Variants in NLGN1 observed in about 807,000 individuals in gnomAD.
The protein encoded by NLGN1 is neuroligin 1, also known as neuroligin-1.
A neutral mutation model predicts 65.5 loss-of-function variants in NLGN1; 12 were observed. That is an observed-to-expected ratio of 0.18 (90% CI 0.12 to 0.30). The LOEUF is 0.30. NLGN1 is among the 10% of genes least tolerant of loss of function. The pLI is 1.00. For synonymous variants in NLGN1, 350 were observed against 359.5 expected (o/e 0.97, Z 0.30); for missense variants, 750 against 1,007.1 (o/e 0.74, Z 3.46).
At chr3:173,707,706 T>C (rs1391730259) in intron 3 of NLGN1, among the ~76,000 whole-genome samples, 1 of 152,012 alleles carries the variant, frequency 6.6e-6, no homozygotes, top group Non-Finnish European at 1.5e-5. Context: ...AAAAATAAGC[T>C]CACAAATGGG....
chr3:173,742,179 A>G (rs971283589), intron 3 of NLGN1, among the ~76,000 whole-genome samples: 2 of 152,216 alleles, frequency 1.3e-5, no homozygotes, highest in African/African-American at 4.8e-5. Flanking sequence ...TAGTATATCT[A>G]TTTTCCCTTT....
chr3:173,599,732 T>A (rs1038390281), intron 2 of NLGN1, among the ~76,000 whole-genome samples: 1 of 152,182 alleles, frequency 6.6e-6, no homozygotes, highest in Non-Finnish European at 1.5e-5. Flanking sequence ...TTAGTACAGT[T>A]GATCTTCATT....
intron 2 of NLGN1, among the ~76,000 whole-genome samples, chr3:173,490,241 C>T (rs550600823): frequency 3.9e-5 from 6 of 152,168 alleles, no homozygotes; most frequent in Non-Finnish European, 8.8e-5. Context: ...AACATTTAAG[C>T]CTTTAATCCA....
chr3:173,844,660 G>T (rs980958617), intron 4 of NLGN1, among the ~76,000 whole-genome samples: 3 of 152,200 alleles, frequency 2.0e-5, no homozygotes, highest in Non-Finnish European at 4.4e-5. Context: ...GATTTAGGCT[G>T]TGAGTATTTT....
At chr3:174,017,402 C>G (rs1326014974) in intron 4 of NLGN1, among the ~76,000 whole-genome samples, 1 of 152,046 alleles carries the variant, frequency 6.6e-6, no homozygotes, top group Non-Finnish European at 1.5e-5. Context: ...TCTTTGACAG[C>G]CTATCAGTGT....
chr3:173,595,223 G>T (rs139283730), intron 2 of NLGN1, among the ~76,000 whole-genome samples: 3 of 151,992 alleles, frequency 2.0e-5, no homozygotes, highest in African/African-American at 7.2e-5. Flanking sequence ...CTTGAAAAAC[G>T]GAATGCCTTT....
chr3:173,610,131 G>A (rs1214388046), intron 3 of NLGN1, among the ~76,000 whole-genome samples: 24 of 151,788 alleles, frequency 1.6e-4, no homozygotes, highest in Non-Finnish European at 5.9e-5. Flanking sequence ...CTCAAACCAG[G>A]GTAGTAACCA....
intron 4 of NLGN1, among the ~76,000 whole-genome samples, chr3:173,832,195 C>T (rs1313995212): frequency 6.6e-6 from 1 of 151,844 alleles, no homozygotes; most frequent in Non-Finnish European, 1.5e-5. Flanking sequence ...AACTCCTGGG[C>T]TCAAGCAGTT....
intron 3 of NLGN1, among the ~76,000 whole-genome samples, chr3:173,803,433 A>G (rs1228836855): frequency 6.6e-6 from 1 of 151,952 alleles, no homozygotes; most frequent in Non-Finnish European, 1.5e-5. Context: ...AGACTGTCCA[A>G]CGTGGTGAAA....
At chr3:173,526,225 T>G (rs1243873158) in intron 2 of NLGN1, among the ~76,000 whole-genome samples, 1 of 152,148 alleles carries the variant, frequency 6.6e-6, no homozygotes, top group African/African-American at 2.4e-5. Flanking sequence ...TCTAGTAGTA[T>G]TTGGTTTGTA....
chr3:173,776,285 A>G (rs1780288347), intron 3 of NLGN1, among the ~76,000 whole-genome samples: 1 of 152,008 alleles, frequency 6.6e-6, no homozygotes, highest in Admixed American at 6.6e-5. Context: ...GAGAGCCCCT[A>G]AGCTCTCTAA....
intron 4 of NLGN1, among the ~76,000 whole-genome samples, chr3:174,088,360 A>T (rs1743818596): frequency 6.6e-6 from 1 of 152,236 alleles, no homozygotes; most frequent in Non-Finnish European, 1.5e-5. Context: ...ACATGTTACA[A>T]GTTCCCATTT....
intron 3 of NLGN1, among the ~76,000 whole-genome samples, chr3:173,632,583 A>G (rs1400209054): frequency 2.6e-5 from 4 of 152,158 alleles, no homozygotes; most frequent in Admixed American, 6.6e-5. Flanking sequence ...TGTCATACCT[A>G]TGTTCATGAG....
intron 2 of NLGN1, among the ~76,000 whole-genome samples, chr3:173,472,420 A>G (rs1408209311): frequency 6.6e-6 from 1 of 152,126 alleles, no homozygotes; most frequent in Non-Finnish European, 1.5e-5. Flanking sequence ...TGTGAGCCAT[A>G]TAAGAAATGA....
chr3:173,830,602 T>G (rs933480520), intron 4 of NLGN1, among the ~76,000 whole-genome samples: 3 of 152,134 alleles, frequency 2.0e-5, no homozygotes, highest in Non-Finnish European at 4.4e-5. Context: ...GGAAATCCAA[T>G]CCATACAATA....
intron 4 of NLGN1, among the ~76,000 whole-genome samples, chr3:173,957,565 C>T (rs1272276490): frequency 1.3e-5 from 2 of 152,174 alleles, no homozygotes; most frequent in Admixed American, 6.5e-5. Flanking sequence ...GACTCCTAAA[C>T]AATAATTTTT....
At chr3:174,208,149 C>T (rs1187591341) in intron 4 of NLGN1, among the ~76,000 whole-genome samples, 9 of 152,048 alleles carry the variant, frequency 5.9e-5, no homozygotes. Context: ...CATTCAATTC[C>T]AATTCTATGC....
intron 4 of NLGN1, among the ~76,000 whole-genome samples, chr3:174,014,895 GAC>G (rs1323034398): frequency 5.3e-5 from 8 of 152,046 alleles, no homozygotes; most frequent in Non-Finnish European, 1.0e-4. Flanking sequence ...AGATAATCAG[GAC>G]TCTTGAAGGA....
At chr3:174,049,831 G>A (rs563984382) in intron 4 of NLGN1, among the ~76,000 whole-genome samples, 1 of 152,194 alleles carries the variant, frequency 6.6e-6, no homozygotes, top group East Asian at 1.9e-4. Context: ...TACAGAGAGG[G>A]AAATAAGCTA....
Sources: gnomAD v4.1 joint callset for allele counts (sites outside exome capture counted in the v4.1 genomes callset) on GRCh38, gnomAD v4.1.1 for gene constraint, MANE v1.5 for transcripts, NCBI Gene and HGNC (gene_info 2026-07-23, HGNC 2026-07-21) for gene names.